The following GLT8D1 variants were observed in gnomAD, a reference collection of about 807,000 sequenced individuals.
The protein encoded by GLT8D1 is glycosyltransferase 8 domain containing 1, also known as glycosyltransferase 8 domain-containing protein 1.
A neutral mutation model predicts 46.2 loss-of-function variants in GLT8D1; 41 were observed. The ratio of observed to expected loss-of-function variants is 0.89; its 90% CI spans 0.69 to 1.15. The LOEUF is 1.15. Ranked by LOEUF, GLT8D1 falls within the 50% of genes most tolerant of loss-of-function variation. The probability of loss-of-function intolerance (pLI) is 0.00; values close to 1 mark genes in which losing one functional copy is unlikely to be tolerated. For synonymous variants in GLT8D1, 150 were observed against 154.2 expected, an observed-to-expected ratio of 0.97 and a Z score of 0.20; for missense variants, 408 against 449.3, an observed-to-expected ratio of 0.91 and a Z score of 0.83.
chr3:52,698,764 T>C (rs2097336607), intron 3 of GLT8D1, among the ~76,000 whole-genome samples: 1 of 151,602 alleles, frequency 6.6e-6, no homozygotes, highest in South Asian at 2.1e-4. Flanking sequence ...CTGTCCTGTA[T>C]GCATTCTTGC....
rs764300732 is a variant in GLT8D1 at position 52,697,946 on chromosome 3, A to G, written c.116-12T>C. 3.3e-6 allele frequency: 5 copies of G among 1,524,450 alleles called. No homozygotes were observed. In the Admixed American group the frequency reaches 6.7e-5, roughly 20 times the overall value. 94.4% of individuals were successfully genotyped at this position (1,524,450 alleles called of 1,614,324 possible). On this transcript the variant is annotated splice_polypyrimidine_tract_variant and intron_variant, in intron 3 of 9. Coordinates refer to ENST00000266014, the MANE Select transcript of GLT8D1 (RefSeq NM_018446.4). ...TACAATTCCTGAATCTGAAAACACA[A>G]GGAAGGCACTGTGATTACAATCTCA... is the stretch of plus-strand genomic sequence containing the variant.
At chr3:52,702,640 G>T (rs1056806705) in intron 1 of GLT8D1, among the ~76,000 whole-genome samples, 2 of 152,082 alleles carry the variant, frequency 1.3e-5, no homozygotes, top group Non-Finnish European at 2.9e-5. Context: ...GCTGGGGTGG[G>T]AGGCTGCCTG....
intron 4 of GLT8D1, among the ~76,000 whole-genome samples, chr3:52,697,046 G>A (rs555530369): frequency 2.8e-5 from 4 of 142,840 alleles, no homozygotes; most frequent in Non-Finnish European, 6.1e-5. Flanking sequence ...AGTGTTTTGT[G>A]GCTACTTAGT....
intron 6 of GLT8D1, 43 bp downstream of exon 6, chr3:52,696,191 C>A: frequency 7.4e-7 from 1 of 1,344,442 alleles, no homozygotes; most frequent in Non-Finnish European, 1.1e-6. Context: ...CAATTGTACC[C>A]AATCTGGGTG....
chr3:52,695,107 A>G (rs968472969), intron 9 of GLT8D1, 72 bp from the exon 10 acceptor site: 3 of 1,439,482 alleles, frequency 2.1e-6, no homozygotes, highest in Non-Finnish European at 2.9e-6. Context: ...CTTAAGGGAA[A>G]CAAAGAATAT....
intron 1 of GLT8D1, among the ~76,000 whole-genome samples, chr3:52,702,584 C>A (rs947209414): frequency 6.6e-5 from 10 of 151,884 alleles, no homozygotes; most frequent in African/African-American, 2.4e-4. Flanking sequence ...AACTGTGGAT[C>A]AGCCAGGCAC....
At chr3:52,700,393 T>G in intron 2 of GLT8D1, 33 bp from the exon 3 acceptor site, 1 of 1,594,350 alleles carries the variant, frequency 6.3e-7, no homozygotes, top group Non-Finnish European at 8.6e-7. Context: ...ATGTTATACC[T>G]CTTTATCTTT....
chr3:52,697,018 C>T (rs896000532), intron 4 of GLT8D1, among the ~76,000 whole-genome samples: 3 of 85,010 alleles, frequency 3.5e-5, no homozygotes, highest in African/African-American at 1.5e-4. Flanking sequence ...CACATTTTTT[C>T]TAGGTCAGTT....
Position 52,694,938 on chromosome 3 carries a change from T to A in GLT8D1, c.1023A>T (p.Ser341=), listed in dbSNP as rs1175135815. The stretch of plus-strand genomic sequence containing the variant: ...ACCATTTTTCCCAAACATCAGTATA[T>A]GAAGCAGTCCTTCCCCATGGCTTCA... ...GHLKPWGRTA[S]YTDVWEKWYI... The change falls in exon 10 of 10, where the codon TCA becomes TCT. Residue 341 remains serine, a synonymous_variant. Transcript: ENST00000266014. 6.2e-7 allele frequency: 1 copy of A among 1,610,350 alleles called. No individual in the cohort carries two copies. The highest frequency in any genetic ancestry group is 1.7e-5 in the Admixed American group (1 of 60,026).
intron 3 of GLT8D1, among the ~76,000 whole-genome samples, chr3:52,698,422 C>T (rs927471013): frequency 6.6e-6 from 1 of 152,112 alleles, no homozygotes; most frequent in African/African-American, 2.4e-5. Flanking sequence ...TAGGTCACGC[C>T]TGTAATCCCA....
rs1369959786 is a variant in GLT8D1, at chr3:52,699,602, G to C, written c.115+660C>G. Reference sequence around the variant, plus strand: ...GAGACGCCCACCTTGGCCTACCAAAGTTTTGGGATTACAGGCATGAGCCAC... The same window carrying C: ...GAGACGCCCACCTTGGCCTACCAAACTTTTGGGATTACAGGCATGAGCCAC... On this transcript the variant is annotated intron_variant, in intron 3 of 9. Transcript: ENST00000266014. Among the ~76,000 whole-genome samples, 3 of 152,228 alleles carry C rather than the reference G, an allele frequency of 2.0e-5. 1 individual carries two copies. Among genetic ancestry groups the C allele is most frequent in the Non-Finnish European group, 1.5e-5 (1 of 67,992 alleles).
At chr3:52,695,724 G>A in intron 7 of GLT8D1, 137 bp from the exon 8 acceptor site, 1 of 651,178 alleles carries the variant, frequency 1.5e-6, no homozygotes, top group Non-Finnish European at 2.7e-6. Flanking sequence ...AGTTAGAATA[G>A]GAACCTAGAT....
At chr3:52,696,995 T>C (rs1184795012) in intron 4 of GLT8D1, among the ~76,000 whole-genome samples, 1 of 152,268 alleles carries the variant, frequency 6.6e-6, no homozygotes, top group Non-Finnish European at 1.5e-5. Context: ...AACTGTTTGC[T>C]AAAGGAGTAC....
chr3:52,703,999 C>G (rs1330858336), intron 1 of GLT8D1: 1 of 152,124 alleles, frequency 6.6e-6, no homozygotes, highest in Non-Finnish European at 1.5e-5. Flanking sequence ...ACAGTTGGTC[C>G]TCAGTATCAG....
chr3:52,704,527 T>C (rs1319386821), intron 1 of GLT8D1, among the ~76,000 whole-genome samples: 1 of 148,098 alleles, frequency 6.8e-6, no homozygotes, highest in East Asian at 2.0e-4. Context: ...ACAGAAAGTC[T>C]CTTCAAACAC....
intron 1 of GLT8D1, among the ~76,000 whole-genome samples, chr3:52,704,208 C>G (rs2097341726): frequency 6.6e-6 from 1 of 151,850 alleles, no homozygotes; most frequent in Admixed American, 6.6e-5. Context: ...CCTGTAATCC[C>G]AGCACTTTGG....
At position 52,696,600 on chromosome 3, in the gene GLT8D1, G is replaced by A; in HGVS notation, c.389C>T (p.Pro130Leu). The change falls in exon 5 of 10, where the codon CCT (proline) becomes CTT (leucine). Residue 130 changes from proline (P) to leucine (L), a missense_variant. By Grantham distance (98) the Pro-to-Leu change is moderately conservative (BLOSUM62 -3). Coordinates refer to ENST00000266014, the MANE Select transcript of GLT8D1 (RefSeq NM_018446.4). ...CTTTACTTTTCCTTCCAAAAGTTTA[G>A]GGTCAAAATTGACAATTTTGTATCT... is the stretch of plus-strand genomic sequence containing the variant. ...SIRYKIVNFD[P>L]KLLEGKVKED... 6.2e-7 allele frequency: 1 copy of A among 1,612,274 alleles called. No individual in the cohort carries two copies. Among genetic ancestry groups the A allele is most frequent in the South Asian group, 1.1e-5 (1 of 91,018 alleles).
chr3:52,696,727 A>C, intron 4 of GLT8D1, 68 bp from the exon 5 acceptor site: 1 of 881,676 alleles, frequency 1.1e-6, no homozygotes, highest in Non-Finnish European at 1.9e-6. Context: ...GAATAATGCA[A>C]AAGAAACCCT....
intron 3 of GLT8D1, among the ~76,000 whole-genome samples, chr3:52,698,687 A>C (rs1307616425): frequency 6.6e-6 from 1 of 152,226 alleles, no homozygotes; most frequent in East Asian, 1.9e-4. Context: ...ATCTCAAAAA[A>C]AAAAAAAGAA....
Sources: gnomAD v4.1 joint callset for allele counts (sites outside exome capture counted in the v4.1 genomes callset) on GRCh38, gnomAD v4.1.1 for gene constraint, MANE v1.5 for transcripts, NCBI Gene and HGNC (gene_info 2026-07-23, HGNC 2026-07-21) for gene names.